Variants in WRNIP1 observed in about 807,000 individuals in gnomAD.
WRNIP1 encodes WRN helicase interacting protein 1, also known as ATPase WRNIP1.
WRNIP1 carries 41 observed loss-of-function variants against 56.1 expected under a neutral mutation model. The ratio of observed to expected loss-of-function variants is 0.73; its 90% CI spans 0.57 to 0.95. WRNIP1 has a LOEUF of 0.95. WRNIP1 is among the 40% of genes least tolerant of loss of function. The probability of loss-of-function intolerance (pLI) is 0.00; values close to 1 mark genes in which losing one functional copy is unlikely to be tolerated. For missense variants in WRNIP1, 1,170 were observed against 939.4 expected (o/e 1.25, Z -3.21); for synonymous variants, 547 against 398.1 (o/e 1.37, Z -4.45).
chr6:2,783,672 G>GC, intron 5 of WRNIP1, 111 bp downstream of exon 5: 1 of 314,200 alleles, frequency 3.2e-6, no homozygotes, highest in Non-Finnish European at 6.0e-6. Context: ...GGGTGGGCGG[G>GC]GGTAGCAGGA....
chr6:2,770,397 A>G (rs1765228273), intron 3 of WRNIP1, 36 bp downstream of exon 3: 1 of 1,611,226 alleles, frequency 6.2e-7, no homozygotes, highest in East Asian at 2.2e-5. Context: ...GGGGGCACAC[A>G]CCTCCCAGAG....
intron 3 of WRNIP1, chr6:2,773,401 A>G (rs1229797640): frequency 8.1e-6 from 8 of 985,280 alleles, no homozygotes; most frequent in Non-Finnish European, 9.6e-6. Flanking sequence ...GAAATCCAGT[A>G]TTTCACCTCC....
chr6:2,773,757 C>T, intron 3 of WRNIP1: 1 of 930,566 alleles, frequency 1.1e-6, no homozygotes, highest in Non-Finnish European at 1.3e-6. Flanking sequence ...TATACATAGT[C>T]AAAAACACTC....
chr6:2,784,153 T>C (rs779918421), intron 5 of WRNIP1, among the ~76,000 whole-genome samples, 171 bp from the exon 6 acceptor site: 2 of 152,238 alleles, frequency 1.3e-5, no homozygotes, highest in Non-Finnish European at 2.9e-5. Flanking sequence ...TCAATATTTC[T>C]TGCATAAGTT....
Position 2,784,457 on chromosome 6 carries a change from G to C in WRNIP1, c.1722+54G>C. On this transcript the variant is annotated intron_variant, in intron 6 of 6. Coordinates refer to ENST00000380773, the MANE Select transcript of WRNIP1 (RefSeq NM_020135.3). ...TCACTTCTTTTCTCTCTCGTGCTCT[G>C]TCCCTTTGTAGATTTGAATAAATGT... 4 of 1,559,576 alleles carry C rather than the reference G, an allele frequency of 2.6e-6. No individual in the cohort carries two copies. In the South Asian group the frequency reaches 3.4e-5, roughly 13 times the overall value.
In WRNIP1 at chr6:2,765,913, G is replaced by A. The variant is rs772806579; in HGVS notation, c.291G>A (p.Glu97=). The A allele has an allele frequency of 1.5e-5, 22 of 1,455,536 alleles. 1 individual carries two copies. The South Asian group carries it at 2.4e-4, about 16-fold the overall frequency. 90.2% of individuals were successfully genotyped at this position (1,455,536 alleles called of 1,614,324 possible). Residue 97 remains glutamate, a synonymous_variant, in exon 1 of 7, where the codon GAG becomes GAA. Coordinates refer to ENST00000380773, the MANE Select transcript of WRNIP1 (RefSeq NM_020135.3). The part of the protein sequence containing the change: ...TAAESSEGEG[E]EGDDGGETES... ...CCGAGAGCAGCGAGGGCGAGGGTGA[G>A]GAGGGCGACGACGGCGGCGAGACCG...
intron 3 of WRNIP1, among the ~76,000 whole-genome samples, chr6:2,776,844 A>G (rs928192933): frequency 6.6e-5 from 10 of 152,256 alleles, no homozygotes; most frequent in African/African-American, 2.4e-4. Flanking sequence ...GAAGGGATAC[A>G]TACCAAAATA....
chr6:2,778,851 G>C (rs1245874088), intron 3 of WRNIP1, among the ~76,000 whole-genome samples: 1 of 152,210 alleles, frequency 6.6e-6, no homozygotes, highest in East Asian at 1.9e-4. Flanking sequence ...AAGCACATCT[G>C]TCTCATCGGA....
In WRNIP1 at chr6:2,765,393, A is replaced by G. The variant is rs1764885915; in HGVS notation, c.-230A>G. ...CCGCCGGGGCAAACGGCCACGAACT[A>G]CACTTCCCGACACGCCGCGTGAGGC... On this transcript the variant is annotated 5_prime_UTR_variant, in exon 1 of 7. Coordinates refer to ENST00000380773, the MANE Select transcript of WRNIP1 (RefSeq NM_020135.3). 2.6e-6 allele frequency: 1 copy of G among 383,250 alleles called. No individual in the cohort carries two copies. Among genetic ancestry groups the G allele is most frequent in the Non-Finnish European group, 4.2e-6 (1 of 235,438 alleles). 23.7% of individuals were successfully genotyped at this position (383,250 alleles called of 1,614,324 possible).
chr6:2,772,742 A>G (rs371133590), intron 3 of WRNIP1, among the ~76,000 whole-genome samples: 1 of 152,230 alleles, frequency 6.6e-6, no homozygotes, highest in Admixed American at 6.5e-5. Context: ...TCCGAATACA[A>G]GTACCTGCCA....
At chr6:2,783,624 T>A in intron 5 of WRNIP1, 63 bp downstream of exon 5, 1 of 745,562 alleles carries the variant, frequency 1.3e-6, no homozygotes, top group Admixed American at 5.6e-5. Context: ...GGCTAACAGT[T>A]ACATCGTGGC....
At position 2,768,840 on chromosome 6, in the gene WRNIP1, C is replaced by G. The variant is rs569853784; in HGVS notation, c.972C>G (p.Ile324Met). 2.5e-6 allele frequency: 4 copies of G among 1,613,354 alleles called. No homozygotes were observed. In the South Asian group the frequency reaches 3.3e-5, roughly 13 times the overall value. The change falls in exon 2 of 7, where the codon ATC becomes ATG. Residue 324 changes from isoleucine to methionine, a missense_variant. Ile to Met is a conservative substitution (Grantham distance 10). Transcript: ENST00000380773. ...NEKSFFKRKT[I>M]LFIDEIHRFN... is the part of the protein sequence containing the mutation. ...AGAGCTTTTTCAAAAGGAAAACCAT[C>G]CTTTTTATTGATGAGATTCATCGGT...
At position 2,766,133 on chromosome 6, in the gene WRNIP1, G is replaced by T; in HGVS notation, c.511G>T (p.Asp171Tyr). The T allele has an allele frequency of 1.6e-6, 2 of 1,240,276 alleles. No homozygotes were observed. Among genetic ancestry groups the T allele is most frequent in the Non-Finnish European group, 2.1e-6 (2 of 970,930 alleles). 76.8% of individuals were successfully genotyped at this position (1,240,276 alleles called of 1,614,324 possible). Residue 171 changes from aspartate (D) to tyrosine (Y), a missense_variant, in exon 1 of 7, where the codon GAC becomes TAC. Coordinates refer to ENST00000380773, the MANE Select transcript of WRNIP1 (RefSeq NM_020135.3). Reference protein sequence around the residue: ...EAQEEEEAVGDGDGDGDADAD... With the variant: ...EAQEEEEAVGYGDGDGDADAD... ...GCAGGAGGAGGAGGAGGCCGTGGGC[G>T]ACGGCGATGGCGACGGGGACGCGGA...
At position 2,784,532 on chromosome 6, in the gene WRNIP1, T is replaced by C. The variant is rs1765661693; in HGVS notation, c.1722+129T>C. 8.6e-6 allele frequency: 8 copies of C among 931,644 alleles called. No homozygotes were observed. The South Asian group carries it at 1.1e-4, about 13-fold the overall frequency. 57.7% of individuals were successfully genotyped at this position (931,644 alleles called of 1,614,324 possible). A position where few individuals can be genotyped will look rare whatever the true frequency, so the allele number is the denominator to read the frequency against. The stretch of plus-strand genomic sequence containing the variant: ...GACCCACTGAGTATGCTGCTTGGCT[T>C]TGGAATTCCAATTGTAGACTCTTAG... On this transcript the variant is annotated intron_variant, in intron 6 of 6. Coordinates refer to ENST00000380773, the MANE Select transcript of WRNIP1 (RefSeq NM_020135.3).
At chr6:2,774,095 C>G (rs980746260) in intron 3 of WRNIP1, 1 of 985,258 alleles carries the variant, frequency 1.0e-6, no homozygotes, top group African/African-American at 1.7e-5. Context: ...CTCCAGAATA[C>G]AAGGGATTGG....
rs1765223704 is a variant in WRNIP1, at chr6:2,770,329, C to T, written c.1224C>T (p.Asp408=). 1 of 1,614,046 alleles carries T rather than the reference C, an allele frequency of 6.2e-7. No individual in the cohort carries two copies. The highest frequency in any genetic ancestry group is 1.7e-5 in the Admixed American group (1 of 60,004). Residue 408 remains aspartate (D), a synonymous_variant, in exon 3 of 7, where the codon GAC becomes GAT. Transcript: ENST00000380773. ...IHVLDSSRPT[D]PLSHSSNSSS... ...TCCTAGACTCTAGCCGTCCCACTGA[C>T]CCTCTGAGCCACAGCAGCAACAGCA...
chr6:2,785,362 T>C lies in WRNIP1; in HGVS notation c.*80T>C. ...GAAAGTTAGTGGATTGCAAAGTTGG[T>C]TGCCTGGTGGAAGTTAGAACAGACC... is the stretch of plus-strand genomic sequence containing the variant. On this transcript the variant is annotated 3_prime_UTR_variant, in exon 7 of 7. Coordinates refer to ENST00000380773, the MANE Select transcript of WRNIP1 (RefSeq NM_020135.3). 1 of 1,533,772 alleles carries C rather than the reference T, an allele frequency of 6.5e-7. No homozygotes were observed. Among genetic ancestry groups the C allele is most frequent in the Non-Finnish European group, 8.8e-7 (1 of 1,136,206 alleles).
intron 3 of WRNIP1, among the ~76,000 whole-genome samples, chr6:2,778,266 T>A (rs1254175581): frequency 6.6e-6 from 1 of 152,200 alleles, no homozygotes; most frequent in Non-Finnish European, 1.5e-5. Flanking sequence ...TTATTTACTG[T>A]AGATGTTCTC....
rs376615850 is a variant in WRNIP1, at chr6:2,783,422, C to T, written c.1503C>T (p.Asn501=). ...LYDRAGEEHY[N]CISALHKSMR... Reference sequence around the variant, plus strand: ...TGATGTCAGGTGAGGAGCATTACAACTGCATCTCCGCCCTGCACAAGTCCA... The same window carrying T: ...TGATGTCAGGTGAGGAGCATTACAATTGCATCTCCGCCCTGCACAAGTCCA... The change falls in exon 5 of 7, where the codon AAC becomes AAT. Residue 501 remains asparagine (N), a synonymous_variant. Transcript: ENST00000380773. 1 of 1,605,460 alleles carries T rather than the reference C, an allele frequency of 6.2e-7. No homozygotes were observed. The highest frequency in any genetic ancestry group is 8.5e-7 in the Non-Finnish European group (1 of 1,174,740).
Sources: allele counts gnomAD v4.1 joint callset (sites outside exome capture counted in the v4.1 genomes callset), GRCh38; gene constraint gnomAD v4.1.1; transcripts MANE v1.5; gene names NCBI Gene and HGNC (gene_info 2026-07-23, HGNC 2026-07-21).